MMD2: variants seen among roughly 807,000 people sequenced by gnomAD.
MMD2 encodes monocyte to macrophage differentiation factor 2.
In MMD2, 30 loss-of-function variants were observed where a neutral mutation model predicts 33.5. The observed-to-expected ratio is 0.90, with a 90% CI of 0.67 to 1.22. MMD2 has a LOEUF of 1.22. Ranked by LOEUF, MMD2 falls within the 50% of genes most tolerant of loss-of-function variation. MMD2 has a pLI of 0.00. For missense variants in MMD2, 364 were observed against 325.4 expected, an observed-to-expected ratio of 1.12 and a Z score of -0.91; for synonymous variants, 129 against 123.0, an observed-to-expected ratio of 1.05 and a Z score of -0.32.
rs1057414921 is a variant in MMD2 at position 4,959,120 on chromosome 7, G to C, written c.-103C>G. 1 of 929,400 alleles carries C rather than the reference G, an allele frequency of 1.1e-6. No individual in the cohort carries two copies. The highest frequency in any genetic ancestry group is 3.5e-5 in the East Asian group (1 of 28,586). The allele number at this position is 929,400 out of a possible 1,614,324, so 57.6% of individuals were successfully genotyped here. A position where few individuals can be genotyped will look rare whatever the true frequency, so the allele number is the denominator to read the frequency against. ...AGCAGCAGGTTGGAGGGCGCGCGGCGGGGGCCAAGGGGACCTGGTCGGCGC... is the reference window on the plus strand; with the variant it reads ...AGCAGCAGGTTGGAGGGCGCGCGGCCGGGGCCAAGGGGACCTGGTCGGCGC... On this transcript the variant is annotated 5_prime_UTR_variant, in exon 1 of 7. Transcript: ENST00000401401.
chr7:4,932,746 CTGAG>C (rs1186519810), intron 1 of MMD2, among the ~76,000 whole-genome samples: 1 of 151,724 alleles, frequency 6.6e-6, no homozygotes, highest in Non-Finnish European at 1.5e-5. Context: ...CCTCAGCCTC[CTGAG>C]TATCTGGGAT....
chr7:4,911,615 T>A (rs954101519), intron 4 of MMD2, among the ~76,000 whole-genome samples: 2 of 151,834 alleles, frequency 1.3e-5, no homozygotes, highest in African/African-American at 4.8e-5. Context: ...TTATTTTATT[T>A]TATTTCATTT....
At chr7:4,950,438 T>A (rs1419520121) in intron 1 of MMD2, among the ~76,000 whole-genome samples, 1 of 152,020 alleles carries the variant, frequency 6.6e-6, no homozygotes, top group East Asian at 1.9e-4. Context: ...ACCATCCATC[T>A]CCAGAACTCT....
chr7:4,934,242 A>C (rs972311629), intron 1 of MMD2, among the ~76,000 whole-genome samples: 32 of 151,308 alleles, frequency 2.1e-4, no homozygotes, highest in African/African-American at 7.5e-4. Context: ...CAATGCTTTT[A>C]TTTTTTCCAC....
intron 1 of MMD2, among the ~76,000 whole-genome samples, chr7:4,947,311 T>G (rs11984417): frequency 0.13 from 20,148 of 152,038 alleles, 1,536 homozygotes; most frequent in East Asian, 0.33. Flanking sequence ...ACTCAGGAAG[T>G]TCCCAATCAT....
At chr7:4,927,314 G>T (rs1014205587) in intron 1 of MMD2, among the ~76,000 whole-genome samples, 1 of 152,032 alleles carries the variant, frequency 6.6e-6, no homozygotes, top group Non-Finnish European at 1.5e-5. Context: ...AGAGGCCGAG[G>T]CAGGCGGATC....
At chr7:4,950,201 C>T (rs577737838) in intron 1 of MMD2, among the ~76,000 whole-genome samples, 33 of 152,024 alleles carry the variant, frequency 2.2e-4, no homozygotes, top group Admixed American at 9.8e-4. Flanking sequence ...TGGGTTCAAG[C>T]GATTCTCCTG....
At chr7:4,933,977 T>C (rs1785666725) in intron 1 of MMD2, among the ~76,000 whole-genome samples, 1 of 141,798 alleles carries the variant, frequency 7.1e-6, no homozygotes, top group African/African-American at 2.7e-5. Context: ...TCTCCTAGGC[T>C]GGAGTGCAAT....
chr7:4,937,082 C>A (rs971245407), intron 1 of MMD2, among the ~76,000 whole-genome samples: 1 of 150,958 alleles, frequency 6.6e-6, no homozygotes, highest in Non-Finnish European at 1.5e-5. Context: ...GCTGGAATAC[C>A]TGAGACTGGG....
intron 1 of MMD2, among the ~76,000 whole-genome samples, chr7:4,941,041 G>A (rs1562491755): frequency 6.6e-6 from 1 of 152,176 alleles, no homozygotes; most frequent in Admixed American, 6.6e-5. Context: ...AGGGGCCATG[G>A]TCATCGCTGG....
At chr7:4,943,311 T>A (rs185405474) in intron 1 of MMD2, among the ~76,000 whole-genome samples, 5 of 151,914 alleles carry the variant, frequency 3.3e-5, no homozygotes, top group Admixed American at 6.6e-5. Flanking sequence ...GCCTGGCCTT[T>A]TTTCTGTATT....
intron 1 of MMD2, among the ~76,000 whole-genome samples, chr7:4,949,488 T>C (rs1049870562): frequency 6.6e-6 from 1 of 151,984 alleles, no homozygotes; most frequent in African/African-American, 2.4e-5. Flanking sequence ...TCCAGTTCCA[T>C]CCATGTTGCT....
chr7:4,948,510 C>T (rs1358281465), intron 1 of MMD2, among the ~76,000 whole-genome samples: 6 of 150,908 alleles, frequency 4.0e-5, no homozygotes, highest in East Asian at 2.0e-4. Flanking sequence ...ATGACAAGAG[C>T]GAGACTCCGT....
At chr7:4,923,262 C>A (rs765194254) in intron 2 of MMD2, among the ~76,000 whole-genome samples, 7 of 152,076 alleles carry the variant, frequency 4.6e-5, no homozygotes, top group African/African-American at 2.4e-5. Context: ...TACTACCACA[C>A]CTGGCTAATT....
At chr7:4,938,156 G>A (rs1228101920) in intron 1 of MMD2, among the ~76,000 whole-genome samples, 1 of 151,412 alleles carries the variant, frequency 6.6e-6, no homozygotes, top group African/African-American at 2.4e-5. Context: ...GATTACAGGT[G>A]CCCACCACTA....
the MMD2 span, among the ~76,000 whole-genome samples, chr7:4,895,629 C>T: frequency 9.2e-3 from 1,401 of 152,166 alleles, 21 homozygotes; most frequent in African/African-American, 0.032. Flanking sequence ...CTCCATCTCC[C>T]GGGTTCAAAC....
rs185708672 is a variant in MMD2, at chr7:4,952,464, C to G, written c.47+6507G>C. 5.5e-4 allele frequency among the ~76,000 whole-genome samples: 83 copies of G among 152,226 alleles called. 1 individual carries two copies. Among genetic ancestry groups the G allele is most frequent in the Non-Finnish European group, 1.3e-4 (9 of 68,002 alleles). On this transcript the variant is annotated intron_variant, in intron 1 of 6. Transcript: ENST00000401401. ...ACCTGCTGGTGCTGAAAGAACAGCT[C>G]CCCCCAGGCATAGGCCGGGCGGCCA...
rs191988809 is a variant in MMD2, at chr7:4,959,079, G to A, written c.-62C>T. The A allele has an allele frequency of 0.036, 44,469 of 1,227,760 alleles. 1,269 individuals are homozygous for A. The highest frequency in any genetic ancestry group is 0.19 in the Admixed American group (4,459 of 23,396). The allele number at this position is 1,227,760 out of a possible 1,614,324, so 76.1% of individuals were successfully genotyped here. A position where few individuals can be genotyped will look rare whatever the true frequency, so the allele number is the denominator to read the frequency against. On this transcript the variant is annotated 5_prime_UTR_variant, in exon 1 of 7. Coordinates refer to ENST00000401401, the MANE Select transcript of MMD2 (RefSeq NM_198403.4). ...AGCGCGGGTAGCTGGCAGAGCCTGG[G>A]GGGCGCGGCGGCGGCAGCAGCAGGT...
chr7:4,932,014 G>A (rs1226776737), intron 1 of MMD2, among the ~76,000 whole-genome samples: 1 of 152,152 alleles, frequency 6.6e-6, no homozygotes, highest in Non-Finnish European at 1.5e-5. Context: ...TATTCTCCCC[G>A]AGGTCTCTCC....
Sources: allele counts gnomAD v4.1 joint callset (sites outside exome capture counted in the v4.1 genomes callset), GRCh38; gene constraint gnomAD v4.1.1; transcripts MANE v1.5; gene names NCBI Gene and HGNC (gene_info 2026-07-23, HGNC 2026-07-21).